The following NBPF10 variants were observed in gnomAD, a reference collection of about 807,000 sequenced individuals.
NBPF10 encodes the protein NBPF member 10.
In NBPF10, 63 loss-of-function variants were observed where a neutral mutation model predicts 77.9. The observed-to-expected ratio is 0.81, with a 90% confidence interval of 0.66 to 1.00. The LOEUF (loss-of-function observed/expected upper bound fraction) is 1.00. Ranked by LOEUF, NBPF10 falls within the 50% of genes least tolerant of loss-of-function variation. NBPF10 has a pLI of 0.00. For synonymous variants in NBPF10, 146 were observed against 264.5 expected (o/e 0.55, Z 4.35); for missense variants, 522 against 679.8 (o/e 0.77, Z 2.58).
intron 14 of NBPF10, among the ~76,000 whole-genome samples, chr1:146,126,002 T>C (rs1553789761): frequency 1.3e-5 from 2 of 151,546 alleles, no homozygotes; most frequent in East Asian, 1.9e-4. Flanking sequence ...ATCTTGAGAG[T>C]AGGATTATGG....
intron 19 of NBPF10, among the ~76,000 whole-genome samples, chr1:146,121,922 G>T (rs1658224835): frequency 1.4e-5 from 2 of 146,234 alleles, no homozygotes; most frequent in African/African-American, 5.3e-5. Flanking sequence ...GAATTGGCCA[G>T]GTGACATACT....
At chr1:146,126,260 C>G (rs782818140) in exon 14 of NBPF10, 3 of 1,608,580 alleles carry the variant, frequency 1.9e-6, no homozygotes, top group South Asian at 2.2e-5. Context: ...GCCAAGCCAA[C>G]ACGCTGTTGC....
At chr1:146,081,028 CACAGAGA>C (rs1656242177) in intron 71 of NBPF10, among the ~76,000 whole-genome samples, 1 of 63,196 alleles carries the variant, frequency 1.6e-5, no homozygotes, top group African/African-American at 4.1e-5. Context: ...CACACACACA[CACAGAGA>C]GAGAGAGAGA....
At chr1:146,072,689 A>G in intron 82 of NBPF10, 40 bp downstream of exon 82, 1 of 42,568 alleles carries the variant, frequency 2.3e-5, no homozygotes, top group Non-Finnish European at 4.5e-5. Flanking sequence ...TATCTGGAAG[A>G]CCAGGTGGAG....
At chr1:146,128,364 G>A in intron 11 of NBPF10, 82 bp from the exon 12 acceptor site, 1 of 335,666 alleles carries the variant, frequency 3.0e-6, no homozygotes, top group African/African-American at 7.9e-5. Context: ...TGATCTGATG[G>A]GAGACAGAAT....
chr1:146,126,450 C>A (rs781857730), intron 13 of NBPF10, 42 bp from the exon 14 acceptor site: 1 of 822,914 alleles, frequency 1.2e-6, no homozygotes, highest in South Asian at 1.3e-5. Context: ...CAGGGGGAAT[C>A]AGAAACCACA....
rs56881979 is a variant in NBPF10 at position 146,126,596 on chromosome 1, GACACACACACACACAC to G, written c.1854-204_1854-189del. Among the ~76,000 whole-genome samples the G allele has an allele frequency of 1.3e-3, 145 of 113,700 alleles. 1 individual carries two copies. Among genetic ancestry groups the G allele is most frequent in the Middle Eastern group, 8.3e-3 (2 of 242 alleles). The allele number at this position is 113,700 out of a possible 152,430, so 74.6% of individuals were successfully genotyped here. A position where few individuals can be genotyped will look rare whatever the true frequency, so the allele number is the denominator to read the frequency against. On this transcript the variant is annotated intron_variant, in intron 13 of 89. Transcript: ENST00000583866. Reference sequence around the variant, plus strand: ...CAGGTAGAAAAGGATGAACGAGAAAGACACACACACACACACACACACACACACACACACACACAGA... The same window carrying G: ...CAGGTAGAAAAGGATGAACGAGAAAGACACACACACACACACACACACAGA...
At position 146,069,647 on chromosome 1, in the gene NBPF10, G is replaced by C. The variant is rs782430763; in HGVS notation, c.10706C>G (p.Ser3569Ter). ...CAGTTCAAGACAACCTGAAGGAGTT[G>C]AATAACATCTATCCAGTGAGTCCTG... The change falls in exon 86 of 90, where the codon TCA (serine) becomes TGA (stop). Residue 3569 changes from serine to a stop codon, truncating the protein, a stop_gained. Coordinates refer to ENST00000583866, the Ensembl canonical transcript of NBPF10. LOFTEE classifies it high-confidence loss of function. 5.2e-6 allele frequency: 8 copies of C among 1,529,394 alleles called. No homozygotes were observed. Among genetic ancestry groups the C allele is most frequent in the Admixed American group, 1.8e-5 (1 of 55,800 alleles). 94.7% of individuals were successfully genotyped at this position (1,529,394 alleles called of 1,614,324 possible).
At chr1:146,069,864 G>T in intron 85 of NBPF10, 149 bp from the exon 86 acceptor site, 1 of 543,724 alleles carries the variant, frequency 1.8e-6, no homozygotes, top group Non-Finnish European at 3.3e-6. Context: ...CTTTATGATG[G>T]GACAGAACAG....
At chr1:146,066,761 G>C (rs1222740467) in intron 89 of NBPF10, among the ~76,000 whole-genome samples, 200 bp from the exon 90 acceptor site, 14 of 151,560 alleles carry the variant, frequency 9.2e-5, no homozygotes, top group African/African-American at 2.7e-4. Flanking sequence ...GAAAGACAGA[G>C]AGAGAGAGAC....
At chr1:146,069,480 A>C in intron 86 of NBPF10, 63 bp downstream of exon 86, 1 of 661,378 alleles carries the variant, frequency 1.5e-6, no homozygotes, top group Non-Finnish European at 2.5e-6. Flanking sequence ...CACTTGCAGT[A>C]GGAATATGAC....
At chr1:146,127,892 G>A (rs1658901226) in intron 12 of NBPF10, among the ~76,000 whole-genome samples, 1 of 139,798 alleles carries the variant, frequency 7.2e-6, no homozygotes, top group Non-Finnish European at 1.5e-5. Context: ...GTCAGTCCAG[G>A]TTGGCACGGG....
rs782207758 is a variant in NBPF10 at position 146,069,645 on chromosome 1, T to A, written c.10708A>T (p.Thr3570Ser). The change falls in exon 86 of 90, where the codon ACT becomes TCT. Residue 3570 changes from threonine to serine, a missense_variant. Thr to Ser is a moderately conservative substitution (Grantham distance 58). This residue lies in a region of NBPF10 where 183 missense variants were observed against 96.6 expected (regional missense o/e 1.89). Coordinates refer to ENST00000583866, the Ensembl canonical transcript of NBPF10. ...CACAGTTCAAGACAACCTGAAGGAGTTGAATAACATCTATCCAGTGAGTCC... is the reference window on the plus strand; with the variant it reads ...CACAGTTCAAGACAACCTGAAGGAGATGAATAACATCTATCCAGTGAGTCC... The A allele has an allele frequency of 9.8e-6, 15 of 1,535,760 alleles. No homozygotes were observed. The South Asian group carries it at 1.4e-4, about 15-fold the overall frequency.
At chr1:146,109,329 CACACACACACACACACAGAG>C (rs1657349968) in intron 35 of NBPF10, among the ~76,000 whole-genome samples, 1 of 104,430 alleles carries the variant, frequency 9.6e-6, no homozygotes, top group African/African-American at 3.3e-5. Context: ...CACACACACA[CACACACACACACACACAGAG>C]AGAGAGAGAG....
intron 13 of NBPF10, 108 bp from the exon 14 acceptor site, chr1:146,126,516 C>A (rs3108136): frequency 1.4e-6 from 1 of 715,200 alleles, no homozygotes; most frequent in Non-Finnish European, 2.6e-6. Context: ...AGAAAAAGGA[C>A]AGATCCATTA....
intron 6 of NBPF10, among the ~76,000 whole-genome samples, 191 bp from the exon 7 acceptor site, chr1:146,136,646 A>G (rs1368438103): frequency 4.9e-5 from 7 of 143,640 alleles, no homozygotes; most frequent in Admixed American, 6.9e-5. Flanking sequence ...AAATTTAGAG[A>G]TGAAGAAAGA....
At chr1:146,137,370 TTTATTC>T (rs1559352552) in intron 6 of NBPF10, among the ~76,000 whole-genome samples, 1 of 46,358 alleles carries the variant, frequency 2.2e-5, no homozygotes, top group Non-Finnish European at 5.4e-5. Context: ...CTCTCTGCTT[TTTATTC>T]TTATTTTTAT....
At chr1:146,126,661 T>G (rs1310997029) in intron 13 of NBPF10, among the ~76,000 whole-genome samples, 5 of 142,712 alleles carry the variant, frequency 3.5e-5, no homozygotes, top group Non-Finnish European at 7.7e-5. Context: ...ATTGGTCAGG[T>G]GACACACTGA....
intron 8 of NBPF10, among the ~76,000 whole-genome samples, chr1:146,134,864 C>T (rs1553794260): frequency 8.1e-6 from 1 of 123,578 alleles, no homozygotes; most frequent in East Asian, 2.3e-4. Flanking sequence ...CATTTGAATG[C>T]TTCAGACCCT....
Sources: gnomAD v4.1 joint callset for allele counts (sites outside exome capture counted in the v4.1 genomes callset) on GRCh38, gnomAD v4.1.1 for gene constraint, gnomAD v4.1.1 regional missense constraint, MANE v1.5 for transcripts, NCBI Gene and HGNC (gene_info 2026-07-23, HGNC 2026-07-21) for gene names.